GLIS3: variants seen among roughly 807,000 people sequenced by gnomAD.
The protein encoded by GLIS3 is zinc finger protein GLIS3.
A neutral mutation model predicts 78.6 loss-of-function variants in GLIS3; 53 were observed. The ratio of observed to expected loss-of-function variants is 0.67; its 90% CI spans 0.54 to 0.85. The LOEUF is 0.85. Among genes scored for constraint, GLIS3 ranks in the 40% least tolerant of loss-of-function variants. The pLI, the probability that GLIS3 is intolerant of heterozygous loss-of-function variation, is 0.00. For missense variants in GLIS3, 1,703 were observed against 1,231.1 expected, an observed-to-expected ratio of 1.38 and a Z score of -5.74; for synonymous variants, 684 against 509.9, an observed-to-expected ratio of 1.34 and a Z score of -4.60.
At chr9:4,487,873 G>A in the GLIS3 span, among the ~76,000 whole-genome samples, 677 of 151,880 alleles carry the variant, frequency 4.5e-3, 7 homozygotes, top group African/African-American at 0.016. Flanking sequence ...ATTAAGTTTT[G>A]TAGAATCAAG....
At chr9:3,892,694 A>C (rs1822544164) in intron 7 of GLIS3, among the ~76,000 whole-genome samples, 1 of 152,064 alleles carries the variant, frequency 6.6e-6, no homozygotes, top group African/African-American at 2.4e-5. Context: ...TTTACTCTTC[A>C]CAGGAAAGAG....
At chr9:4,253,899 G>A (rs572585138) in intron 2 of GLIS3, among the ~76,000 whole-genome samples, 12 of 152,228 alleles carry the variant, frequency 7.9e-5, no homozygotes, top group East Asian at 1.9e-4. Flanking sequence ...GTAAGGTGAC[G>A]CCCCACCCTG....
At chr9:4,461,535 A>G in the GLIS3 span, among the ~76,000 whole-genome samples, 1 of 152,152 alleles carries the variant, frequency 6.6e-6, no homozygotes, top group African/African-American at 2.4e-5. Flanking sequence ...AACGATTACA[A>G]CAGGTGTTAC....
the GLIS3 span, among the ~76,000 whole-genome samples, chr9:4,375,748 C>G: frequency 6.6e-6 from 1 of 152,150 alleles, no homozygotes; most frequent in Non-Finnish European, 1.5e-5. Context: ...CTGTTGCCAA[C>G]CAATAACAGT....
chr9:4,070,600 G>C (rs1421419353), intron 4 of GLIS3, among the ~76,000 whole-genome samples: 1 of 152,214 alleles, frequency 6.6e-6, no homozygotes. Context: ...TATGTGGGTA[G>C]TGAGTATGTA....
At chr9:4,365,343 G>A in the GLIS3 span, among the ~76,000 whole-genome samples, 1 of 152,070 alleles carries the variant, frequency 6.6e-6, no homozygotes, top group Non-Finnish European at 1.5e-5. Context: ...GGATCATGAG[G>A]TCAGGAGTTT....
At chr9:4,481,709 G>A in the GLIS3 span, among the ~76,000 whole-genome samples, 1 of 152,102 alleles carries the variant, frequency 6.6e-6, no homozygotes, top group African/African-American at 2.4e-5. Context: ...GTTTCCAGCT[G>A]AGCTGGGGTG....
chr9:3,852,852 T>C (rs950823702), intron 9 of GLIS3, among the ~76,000 whole-genome samples: 1 of 152,170 alleles, frequency 6.6e-6, no homozygotes, highest in African/African-American at 2.4e-5. Context: ...ATTTTAAACT[T>C]ATTTTTAGGG....
intron 7 of GLIS3, among the ~76,000 whole-genome samples, chr9:3,887,398 G>C (rs1005949619): frequency 6.6e-5 from 10 of 152,138 alleles, no homozygotes; most frequent in Admixed American, 6.5e-4. Flanking sequence ...GTTCTATTAA[G>C]GTAAGTGAGG....
At chr9:4,265,702 C>G (rs1825935921) in intron 2 of GLIS3, among the ~76,000 whole-genome samples, 1 of 152,174 alleles carries the variant, frequency 6.6e-6, no homozygotes, top group Non-Finnish European at 1.5e-5. Flanking sequence ...AGCATGCACA[C>G]AGAGACCAAG....
At chr9:4,281,948 G>T (rs191968183) in intron 2 of GLIS3, among the ~76,000 whole-genome samples, 1 of 152,258 alleles carries the variant, frequency 6.6e-6, no homozygotes, top group East Asian at 1.9e-4. Flanking sequence ...TTAACACACT[G>T]TTTGGGAACC....
chr9:3,984,215 G>C (rs929545563), intron 4 of GLIS3, among the ~76,000 whole-genome samples: 1 of 152,236 alleles, frequency 6.6e-6, no homozygotes, highest in Non-Finnish European at 1.5e-5. Context: ...ACCCCAGACT[G>C]GTAGATCCAC....
intron 4 of GLIS3, among the ~76,000 whole-genome samples, chr9:4,051,076 G>C (rs1000064813): frequency 1.3e-5 from 2 of 152,170 alleles, no homozygotes; most frequent in African/African-American, 4.8e-5. Context: ...AGCATCCATT[G>C]ATAAGCTCCC....
intron 2 of GLIS3, among the ~76,000 whole-genome samples, chr9:4,239,151 T>C (rs532920708): frequency 1.4e-3 from 174 of 121,576 alleles, no homozygotes; most frequent in African/African-American, 5.4e-3. Context: ...TAAACATACA[T>C]GTGCATGCAC....
chr9:3,971,209 C>T (rs184878768), intron 4 of GLIS3, among the ~76,000 whole-genome samples: 67 of 152,258 alleles, frequency 4.4e-4, no homozygotes, highest in African/African-American at 1.4e-3. Context: ...CCACCCCTCT[C>T]AAAGTGGAGA....
intron 2 of GLIS3, among the ~76,000 whole-genome samples, chr9:4,170,542 A>G (rs1816288706): frequency 6.6e-6 from 1 of 152,190 alleles, no homozygotes; most frequent in Admixed American, 6.6e-5. Context: ...CTAGGAGCAC[A>G]CTTCAATCTT....
At chr9:4,471,406 A>AT in the GLIS3 span, among the ~76,000 whole-genome samples, 3 of 152,232 alleles carry the variant, frequency 2.0e-5, no homozygotes, top group East Asian at 5.8e-4. Flanking sequence ...ACCAAAAGAG[A>AT]GATATAGACC....
chr9:4,383,243 G>A, the GLIS3 span, among the ~76,000 whole-genome samples: 3 of 152,146 alleles, frequency 2.0e-5, no homozygotes, highest in South Asian at 2.1e-4. Context: ...AGAAAAAAAC[G>A]CTTAACGAAT....
intron 4 of GLIS3, among the ~76,000 whole-genome samples, chr9:4,107,460 A>G (rs773084388): frequency 1.3e-5 from 2 of 152,188 alleles, no homozygotes; most frequent in Non-Finnish European, 2.9e-5. Context: ...CCCTAGACTC[A>G]GATTGCAGAG....
Sources: allele counts gnomAD v4.1 joint callset (sites outside exome capture counted in the v4.1 genomes callset), GRCh38; gene constraint gnomAD v4.1.1; transcripts MANE v1.5; gene names NCBI Gene and HGNC (gene_info 2026-07-23, HGNC 2026-07-21).